The following BACE2 variants were observed in gnomAD, a reference collection of about 807,000 sequenced individuals.
BACE2 encodes 56 kDa aspartic-like protease.
In BACE2, 17 loss-of-function variants were observed where a neutral mutation model predicts 46.2. That is an observed-to-expected ratio of 0.37 (90% confidence interval 0.25 to 0.55). BACE2 has a LOEUF of 0.55. Among genes scored for constraint, BACE2 ranks in the 20% least tolerant of loss-of-function variants. BACE2 has a pLI of 0.82. For synonymous variants in BACE2, 277 were observed against 295.9 expected (o/e 0.94, Z 0.66); for missense variants, 595 against 698.1 (o/e 0.85, Z 1.66).
chr21:41,228,169 G>A (rs765067651), intron 2 of BACE2, among the ~76,000 whole-genome samples: 12 of 152,288 alleles, frequency 7.9e-5, no homozygotes, highest in African/African-American at 2.4e-4. Flanking sequence ...GTGCCCTGAC[G>A]TCATATGGGG....
chr21:41,264,577 G>T (rs556219426), intron 8 of BACE2, among the ~76,000 whole-genome samples: 1 of 152,092 alleles, frequency 6.6e-6, no homozygotes, highest in Non-Finnish European at 1.5e-5. Flanking sequence ...GTCTTCACGT[G>T]GCCAGAGCAA....
intron 2 of BACE2, among the ~76,000 whole-genome samples, chr21:41,233,999 T>C (rs1400148873): frequency 6.6e-6 from 1 of 152,178 alleles, no homozygotes; most frequent in Non-Finnish European, 1.5e-5. Flanking sequence ...CCAGGTAGTA[T>C]GGTTTGGCTG....
In BACE2 at chr21:41,275,644, A is replaced by G. The variant is rs2088479913; in HGVS notation, c.*20A>G. On this transcript the variant is annotated 3_prime_UTR_variant, in exon 9 of 9. Transcript: ENST00000330333. ...AAATGAATAGCCAGGCCTGACCTCAAGCAACCATGAACTCAGCTATTAAGA... is the reference window on the plus strand; with the variant it reads ...AAATGAATAGCCAGGCCTGACCTCAGGCAACCATGAACTCAGCTATTAAGA... The G allele has an allele frequency of 6.2e-7, 1 of 1,612,014 alleles. No individual in the cohort carries two copies. Among genetic ancestry groups the G allele is most frequent in the Non-Finnish European group, 8.5e-7 (1 of 1,178,852 alleles).
chr21:41,236,991 T>C (rs1987140518), intron 2 of BACE2, among the ~76,000 whole-genome samples: 1 of 152,230 alleles, frequency 6.6e-6, no homozygotes, highest in African/African-American at 2.4e-5. Flanking sequence ...ACCAAAACAT[T>C]AGCGATTATG....
chr21:41,234,352 A>G (rs1987054342), intron 2 of BACE2, among the ~76,000 whole-genome samples: 1 of 152,170 alleles, frequency 6.6e-6, no homozygotes, highest in South Asian at 2.1e-4. Context: ...AAACAGACTA[A>G]TACACCAGGA....
At chr21:41,275,276 T>C in intron 8 of BACE2, 95 bp from the exon 9 acceptor site, 1 of 1,542,266 alleles carries the variant, frequency 6.5e-7, no homozygotes, top group Non-Finnish European at 8.8e-7. Context: ...GGACTTTAAC[T>C]GTGGTTTAAT....
At chr21:41,176,752 C>A (rs924363136) in intron 1 of BACE2, 11 of 152,304 alleles carry the variant, frequency 7.2e-5, no homozygotes, top group African/African-American at 2.4e-4. Context: ...TGCTGAAAAT[C>A]TTGGTGCTGA....
intron 2 of BACE2, among the ~76,000 whole-genome samples, chr21:41,226,792 A>G (rs571793905): frequency 6.6e-6 from 1 of 152,176 alleles, no homozygotes; most frequent in South Asian, 2.1e-4. Flanking sequence ...ATGGAAACCC[A>G]CCTTTGCATA....
chr21:41,192,951 C>T (rs908960084), intron 1 of BACE2, among the ~76,000 whole-genome samples: 1 of 152,212 alleles, frequency 6.6e-6, no homozygotes, highest in African/African-American at 2.4e-5. Context: ...CACCACTGGA[C>T]CCCTAGAAAT....
chr21:41,260,890 A>T (rs913537906), intron 8 of BACE2, among the ~76,000 whole-genome samples: 1 of 151,062 alleles, frequency 6.6e-6, no homozygotes, highest in African/African-American at 2.4e-5. Flanking sequence ...TGTTTGGTTT[A>T]TTTTTTTTTA....
chr21:41,250,668 C>T (rs1226562692), intron 6 of BACE2, 84 bp from the exon 7 acceptor site: 3 of 1,301,556 alleles, frequency 2.3e-6, no homozygotes, highest in East Asian at 2.3e-5. Context: ...GGGCATCTGG[C>T]GAGGTGGCTA....
chr21:41,264,170 T>C (rs1988008871), intron 8 of BACE2, among the ~76,000 whole-genome samples: 1 of 152,120 alleles, frequency 6.6e-6, no homozygotes, highest in Admixed American at 6.5e-5. Flanking sequence ...CTTTTTATTA[T>C]TTTTATTGTT....
intron 1 of BACE2, among the ~76,000 whole-genome samples, chr21:41,200,501 A>C (rs1985929864): frequency 6.6e-6 from 1 of 152,046 alleles, no homozygotes; most frequent in Non-Finnish European, 1.5e-5. Context: ...TTGTAACCCC[A>C]TGTTCTGCAG....
At chr21:41,179,718 C>A in intron 1 of BACE2, 1 of 1,217,614 alleles carries the variant, frequency 8.2e-7, no homozygotes, top group Non-Finnish European at 1.1e-6. Context: ...TGCTTACAGG[C>A]AATTAAAAAG....
chr21:41,168,243 C>A lies in BACE2; in HGVS notation c.-21C>A. Reference sequence around the variant, plus strand: ...ACGGGACCGGCTAGGCTGGGCGCGCCCCCCGGGCCCCGCCGTGGGCATGGG... The same window carrying A: ...ACGGGACCGGCTAGGCTGGGCGCGCACCCCGGGCCCCGCCGTGGGCATGGG... On this transcript the variant is annotated 5_prime_UTR_variant, in exon 1 of 9. Coordinates refer to ENST00000330333, the MANE Select transcript of BACE2 (RefSeq NM_012105.5). 1 of 1,146,350 alleles carries A rather than the reference C, an allele frequency of 8.7e-7. No individual in the cohort carries two copies. Among genetic ancestry groups the A allele is most frequent in the Non-Finnish European group, 1.1e-6 (1 of 933,574 alleles). 71.0% of individuals were successfully genotyped at this position (1,146,350 alleles called of 1,614,324 possible). A position where few individuals can be genotyped will look rare whatever the true frequency, so the allele number is the denominator to read the frequency against.
In BACE2 at chr21:41,168,583, C is replaced by T. The variant is rs768681821; in HGVS notation, c.312+8C>T. The T allele has an allele frequency of 6.1e-6, 8 of 1,315,688 alleles. No individual in the cohort carries two copies. Among genetic ancestry groups the T allele is most frequent in the Admixed American group, 6.3e-5 (2 of 31,706 alleles). 81.5% of individuals were successfully genotyped at this position (1,315,688 alleles called of 1,614,324 possible). ...GGGACCCCCCCGCAGAAGGTAGGGA[C>T]CCCCGGCTGCTGCCGCGGGCTTTTC... is the stretch of plus-strand genomic sequence containing the variant. On this transcript the variant is annotated splice_region_variant and intron_variant, in intron 1 of 8. Coordinates refer to ENST00000330333, the MANE Select transcript of BACE2 (RefSeq NM_012105.5).
In BACE2 at chr21:41,281,177, T is replaced by C. The variant is rs2088543780; in HGVS notation, c.*5553T>C. On this transcript the variant is annotated 3_prime_UTR_variant, in exon 9 of 9. Transcript: ENST00000330333. ...CCCTTTACAGATGGATAATTGTTTG[T>C]GTAAGACCAACCAGATAAAGTCCAA... The C allele has an allele frequency of 6.6e-6, 1 of 152,248 alleles. No individual in the cohort carries two copies. The highest frequency in any genetic ancestry group is 2.4e-5 in the African/African-American group (1 of 41,472). 9.4% of individuals were successfully genotyped at this position (152,248 alleles called of 1,614,324 possible).
intron 3 of BACE2, 49 bp downstream of exon 3, chr21:41,237,778 C>A: frequency 6.6e-7 from 1 of 1,523,160 alleles, no homozygotes; most frequent in Non-Finnish European, 9.1e-7. Flanking sequence ...GGATGAGATT[C>A]TGAAAATCAG....
chr21:41,225,856 C>T (rs968022731), intron 1 of BACE2, among the ~76,000 whole-genome samples: 10 of 152,102 alleles, frequency 6.6e-5, no homozygotes, highest in African/African-American at 2.2e-4. Flanking sequence ...GGGGAGGTCA[C>T]GTTGGATCGG....
Sources: allele counts gnomAD v4.1 joint callset (sites outside exome capture counted in the v4.1 genomes callset), GRCh38; gene constraint gnomAD v4.1.1; transcripts MANE v1.5; gene names NCBI Gene and HGNC (gene_info 2026-07-23, HGNC 2026-07-21).